AXDND1: variants seen among roughly 807,000 people sequenced by gnomAD.
AXDND1 encodes axonemal dynein light chain domain containing 1.
A neutral mutation model predicts 137.5 loss-of-function variants in AXDND1; 110 were observed. The observed-to-expected ratio is 0.80, with a 90% confidence interval of 0.69 to 0.94. The LOEUF is 0.94. AXDND1 is among the 40% of genes least tolerant of loss of function. The pLI, the probability that AXDND1 is intolerant of heterozygous loss-of-function variation, is 0.00. For synonymous variants in AXDND1, 414 were observed against 399.7 expected (o/e 1.04, Z -0.43); for missense variants, 1,191 against 1,169.8 (o/e 1.02, Z -0.26).
intron 18 of AXDND1, among the ~76,000 whole-genome samples, chr1:179,484,253 A>T (rs1027867689): frequency 6.6e-6 from 1 of 152,088 alleles, no homozygotes; most frequent in Non-Finnish European, 1.5e-5. Context: ...TAGGGGTGGT[A>T]CTCCCAGCTA....
intron 16 of AXDND1, among the ~76,000 whole-genome samples, chr1:179,463,703 A>G (rs1307460852): frequency 2.0e-5 from 3 of 152,098 alleles, no homozygotes; most frequent in Non-Finnish European, 4.4e-5. Context: ...TGATCTGTCT[A>G]CTGTTGACAG....
chr1:179,526,796 G>A (rs113578925), intron 22 of AXDND1, among the ~76,000 whole-genome samples: 19 of 152,340 alleles, frequency 1.2e-4, no homozygotes, highest in African/African-American at 3.8e-4. Flanking sequence ...GTCTTAACCA[G>A]AGTGACTCCA....
chr1:179,483,043 A>G (rs1665612369), intron 17 of AXDND1, 85 bp from the exon 18 acceptor site: 1 of 899,256 alleles, frequency 1.1e-6, no homozygotes, highest in Non-Finnish European at 1.7e-6. Flanking sequence ...ATACCCAGCC[A>G]AATAAAACTC....
At chr1:179,376,535 C>G (rs1647301887) in intron 4 of AXDND1, among the ~76,000 whole-genome samples, 1 of 152,190 alleles carries the variant, frequency 6.6e-6, no homozygotes, top group Non-Finnish European at 1.5e-5. Flanking sequence ...GTCTCAGGAC[C>G]TATGCATATG....
intron 11 of AXDND1, among the ~76,000 whole-genome samples, chr1:179,404,420 CTG>C (rs139325810): frequency 0.35 from 52,830 of 151,764 alleles, 9,363 homozygotes; most frequent in Middle Eastern, 0.44. Context: ...TGAGGTTTCA[CTG>C]TGTTGGCCAG....
At chr1:179,402,107 G>A (rs1652168617) in intron 11 of AXDND1, among the ~76,000 whole-genome samples, 1 of 151,088 alleles carries the variant, frequency 6.6e-6, no homozygotes, top group East Asian at 2.0e-4. Context: ...GGGAGGCGGA[G>A]GTTGCAGTGA....
Position 179,516,869 on chromosome 1 carries a change from G to A in AXDND1, c.2496+7466G>A, listed in dbSNP as rs1319286610. On this transcript the variant is annotated intron_variant, in intron 21 of 25. Transcript: ENST00000367618. The stretch of plus-strand genomic sequence containing the variant: ...TTCTAGTGGAGGTGGCAGCGGGGGT[G>A]AAACAGTTCGTGAGGGTTCTTAGCT... Among the ~76,000 whole-genome samples the A allele has an allele frequency of 2.0e-5, 3 of 152,282 alleles. No individual in the cohort carries two copies. In the East Asian group the frequency reaches 5.8e-4, roughly 29 times the overall value.
chr1:179,432,522 T>C (rs1432621467), intron 15 of AXDND1, among the ~76,000 whole-genome samples, 180 bp downstream of exon 15: 2 of 151,794 alleles, frequency 1.3e-5, no homozygotes, highest in Non-Finnish European at 2.9e-5. Flanking sequence ...ACCTCCTGAG[T>C]TCAAGCGATT....
chr1:179,366,617 T>C lies in AXDND1; in HGVS notation c.97+11T>C. ...AGGAAGGGACAAGAGGTAAACTTCG[T>C]TGATTCTGAAGTCATAAACAGTCAT... On this transcript the variant is annotated intron_variant, in intron 2 of 25. Coordinates refer to ENST00000367618, the MANE Select transcript of AXDND1 (RefSeq NM_144696.6). 1 of 1,593,196 alleles carries C rather than the reference T, an allele frequency of 6.3e-7. No individual in the cohort carries two copies. Among genetic ancestry groups the C allele is most frequent in the South Asian group, 1.1e-5 (1 of 90,604 alleles).
intron 11 of AXDND1, among the ~76,000 whole-genome samples, chr1:179,403,291 A>T (rs1652396113): frequency 6.6e-6 from 1 of 152,244 alleles, no homozygotes; most frequent in South Asian, 2.1e-4. Context: ...TTACAAGACG[A>T]ATTTGTCTGT....
chr1:179,499,190 C>T (rs1391262924), intron 20 of AXDND1, among the ~76,000 whole-genome samples: 1 of 151,998 alleles, frequency 6.6e-6, no homozygotes, highest in Non-Finnish European at 1.5e-5. Context: ...TGGAAACAAC[C>T]TAAATGTCCA....
At chr1:179,495,383 G>A (rs1170834398) in intron 20 of AXDND1, among the ~76,000 whole-genome samples, 1 of 151,874 alleles carries the variant, frequency 6.6e-6, no homozygotes, top group African/African-American at 2.4e-5. Context: ...ATAGTTTTCA[G>A]TGTATAGATC....
intron 9 of AXDND1, among the ~76,000 whole-genome samples, chr1:179,390,779 G>A (rs984925831): frequency 6.6e-6 from 1 of 151,548 alleles, no homozygotes; most frequent in Non-Finnish European, 1.5e-5. Context: ...TGAAGCCACA[G>A]CATTCTGCTT....
chr1:179,420,913 G>A (rs1378864986), intron 12 of AXDND1, among the ~76,000 whole-genome samples: 3 of 152,242 alleles, frequency 2.0e-5, no homozygotes, highest in South Asian at 2.1e-4. Context: ...GAGCTACCAT[G>A]TCCAGCCCTA....
chr1:179,548,041 A>T (rs921816872), intron 25 of AXDND1, among the ~76,000 whole-genome samples: 1 of 152,128 alleles, frequency 6.6e-6, no homozygotes, highest in African/African-American at 2.4e-5. Flanking sequence ...TGCTTGTTAT[A>T]TCATGGTGGG....
At chr1:179,374,010 C>CA (rs947479411) in intron 4 of AXDND1, among the ~76,000 whole-genome samples, 124 of 150,804 alleles carry the variant, frequency 8.2e-4, no homozygotes, top group African/African-American at 2.5e-3. Context: ...TTCTGCACAG[C>CA]AAAAAAAAAT....
intron 14 of AXDND1, among the ~76,000 whole-genome samples, chr1:179,430,836 C>T (rs1390762856): frequency 6.6e-6 from 1 of 152,132 alleles, no homozygotes; most frequent in African/African-American, 2.4e-5. Context: ...GCTGCTGTCC[C>T]CATTTGAGTC....
intron 17 of AXDND1, among the ~76,000 whole-genome samples, chr1:179,478,847 C>T (rs2125523149): frequency 6.6e-6 from 1 of 152,312 alleles, no homozygotes; most frequent in Middle Eastern, 3.4e-3. Context: ...TGCCTGTAAT[C>T]CCAGCATGTT....
intron 16 of AXDND1, among the ~76,000 whole-genome samples, chr1:179,447,283 A>G (rs1005363223): frequency 6.6e-6 from 1 of 152,204 alleles, no homozygotes; most frequent in Non-Finnish European, 1.5e-5. Flanking sequence ...CAAATTTTTT[A>G]GGTTCCACAC....
Sources: allele counts gnomAD v4.1 joint callset (sites outside exome capture counted in the v4.1 genomes callset), GRCh38; gene constraint gnomAD v4.1.1; transcripts MANE v1.5; gene names NCBI Gene and HGNC (gene_info 2026-07-23, HGNC 2026-07-21).